Variants in PSAT1 observed in about 807,000 individuals in gnomAD.
PSAT1 encodes the protein phosphoserine aminotransferase.
Under a neutral mutation model 40.3 loss-of-function variants are expected in PSAT1, and 41 were observed. That is an observed-to-expected ratio of 1.02 (90% confidence interval 0.79 to 1.32). The LOEUF (loss-of-function observed/expected upper bound fraction) is 1.32. PSAT1 is among the 40% of genes most tolerant of loss of function. The pLI is 0.00. For synonymous variants in PSAT1, 147 were observed against 170.5 expected (o/e 0.86, Z 1.07); for missense variants, 406 against 455.8 (o/e 0.89, Z 0.99).
rs1164651139 is a variant in PSAT1 at position 78,308,034 on chromosome 9, G to A, written c.571-380G>A. On this transcript the variant is annotated intron_variant, in intron 5 of 8. Transcript: ENST00000376588. ...AGCCTGGGTGCCAGAGCAAGACTCC[G>A]TCTCAAAAGAAAAAAAAAATGTTTC... 7.2e-5 allele frequency among the ~76,000 whole-genome samples: 11 copies of A among 151,848 alleles called. No homozygotes were observed. In the East Asian group the frequency reaches 1.2e-3, roughly 16 times the overall value.
chr9:78,314,977 G>A (rs528450748), intron 6 of PSAT1, among the ~76,000 whole-genome samples: 19 of 151,858 alleles, frequency 1.3e-4, no homozygotes, highest in Non-Finnish European at 2.8e-4. Context: ...GTGTTTCTGT[G>A]GTTCTGTGTG....
At position 78,300,585 on chromosome 9, in the gene PSAT1, C is replaced by T. The variant is rs1420720400; in HGVS notation, c.61-17C>T. The T allele has an allele frequency of 6.2e-7, 1 of 1,606,104 alleles. No individual in the cohort carries two copies. Among genetic ancestry groups the T allele is most frequent in the East Asian group, 2.2e-5 (1 of 44,754 alleles). ...GAACATATTTAAATAACCCTATTTT[C>T]CTTTATTTTTTTCTAGGTGTTGTTA... On this transcript the variant is annotated splice_polypyrimidine_tract_variant and intron_variant, in intron 1 of 8. Coordinates refer to ENST00000376588, the MANE Select transcript of PSAT1 (RefSeq NM_058179.4).
rs1177333395 is a variant in PSAT1, at chr9:78,299,144, C to CCA, written c.61-1458_61-1457insCA. Among the ~76,000 whole-genome samples the CCA allele has an allele frequency of 3.1e-3, 270 of 87,306 alleles. 5 individuals are homozygous for CCA. Among genetic ancestry groups the CCA allele is most frequent in the African/African-American group, 0.012 (264 of 21,954 alleles). The allele number at this position is 87,306 out of a possible 152,430, so 57.3% of individuals were successfully genotyped here. A position where few individuals can be genotyped will look rare whatever the true frequency, so the allele number is the denominator to read the frequency against. Reference sequence around the variant, plus strand: ...GATAGAGCAAGACCCTGTCTCTTAACAAAAAAAAAAAAAAAAAAAAAAAAA... The same window carrying CCA: ...GATAGAGCAAGACCCTGTCTCTTAACCAAAAAAAAAAAAAAAAAAAAAAAAAA... On this transcript the variant is annotated intron_variant, in intron 1 of 8. Coordinates refer to ENST00000376588, the MANE Select transcript of PSAT1 (RefSeq NM_058179.4).
intron 6 of PSAT1, among the ~76,000 whole-genome samples, chr9:78,309,925 A>C (rs544145214): frequency 6.6e-6 from 1 of 152,220 alleles, no homozygotes; most frequent in African/African-American, 2.4e-5. Flanking sequence ...AGAAGTAATA[A>C]TAGTACCCCT....
In PSAT1 at chr9:78,304,622, C is replaced by T. The variant is rs796999612; in HGVS notation, c.192-113C>T. Reference sequence around the variant, plus strand: ...AGACAAAGTAGTATTGTAACATTACCATATTTCTTGTAGTAAATCCACCCA... The same window carrying T: ...AGACAAAGTAGTATTGTAACATTACTATATTTCTTGTAGTAAATCCACCCA... On this transcript the variant is annotated intron_variant, in intron 3 of 8. Coordinates refer to ENST00000376588, the MANE Select transcript of PSAT1 (RefSeq NM_058179.4). 4 of 980,940 alleles carry T rather than the reference C, an allele frequency of 4.1e-6. No individual in the cohort carries two copies. The African/African-American group carries it at 6.4e-5, about 16-fold the overall frequency. 60.8% of individuals were successfully genotyped at this position (980,940 alleles called of 1,614,324 possible).
chr9:78,327,462 T>G (rs1828517561), intron 7 of PSAT1, among the ~76,000 whole-genome samples: 1 of 152,206 alleles, frequency 6.6e-6, no homozygotes. Context: ...GACTGACTTA[T>G]TTAATGCTTA....
At chr9:78,313,866 C>T (rs1224912009) in intron 6 of PSAT1, among the ~76,000 whole-genome samples, 1 of 152,158 alleles carries the variant, frequency 6.6e-6, no homozygotes, top group Non-Finnish European at 1.5e-5. Context: ...AGGCTGGTCT[C>T]AAACTCCTGG....
rs1828366272 is a variant in PSAT1 at position 78,317,620 on chromosome 9, T to C, written c.741-56T>C. The C allele has an allele frequency of 2.6e-5, 41 of 1,590,798 alleles. No homozygotes were observed. In the South Asian group the frequency reaches 4.2e-4, roughly 16 times the overall value. On this transcript the variant is annotated intron_variant, in intron 6 of 8. Coordinates refer to ENST00000376588, the MANE Select transcript of PSAT1 (RefSeq NM_058179.4). ...CCTTCAACAGCAGTTTGCTTGAATA[T>C]AGTTCTACTTTTGCAAAGATGAGCT...
At chr9:78,306,017 C>T (rs1431627886) in intron 4 of PSAT1, among the ~76,000 whole-genome samples, 1 of 152,208 alleles carries the variant, frequency 6.6e-6, no homozygotes, top group African/African-American at 2.4e-5. Flanking sequence ...CCCACCTTAG[C>T]CTCCTAAATA....
intron 3 of PSAT1, among the ~76,000 whole-genome samples, chr9:78,303,386 G>T (rs1828135708): frequency 6.6e-6 from 1 of 152,116 alleles, no homozygotes; most frequent in Non-Finnish European, 1.5e-5. Flanking sequence ...TTCATGGAGT[G>T]GGTATTTGGA....
At chr9:78,317,853 CTG>C (rs1229782080) in intron 7 of PSAT1, 49 bp downstream of exon 7, 2 of 1,582,936 alleles carry the variant, frequency 1.3e-6, no homozygotes, top group Admixed American at 1.7e-5. Flanking sequence ...GAATTTAAAA[CTG>C]TGTATATACT....
Position 78,297,176 on chromosome 9 carries a change from C to A in PSAT1, c.-35C>A. On this transcript the variant is annotated 5_prime_UTR_variant, in exon 1 of 9. Transcript: ENST00000376588. ...ACGCCAGCCGTTCACGCGTTCGGTC[C>A]TCCTTGGCTGACTCACCGCCCTGGC... 6.3e-7 allele frequency: 1 copy of A among 1,584,332 alleles called. No homozygotes were observed. The highest frequency in any genetic ancestry group is 8.6e-7 in the Non-Finnish European group (1 of 1,169,436).
chr9:78,306,418 G>A lies in PSAT1; in HGVS notation c.502G>A (p.Val168Ile). ...HGVEFDFIPDVKGAVLVCDMS... is the reference protein window; with the variant it reads ...HGVEFDFIPDIKGAVLVCDMS... ...TGTGGAGTTTGACTTTATACCCGAT[G>A]TCAAGGGAGCAGTACTGGTTTGTGA... The change falls in exon 5 of 9, where the codon GTC (valine) becomes ATC (isoleucine). Residue 168 changes from valine (V) to isoleucine (I), a missense_variant. Val to Ile is a conservative substitution (Grantham distance 29). Transcript: ENST00000376588. 1 of 1,614,158 alleles carries A rather than the reference G, an allele frequency of 6.2e-7. No homozygotes were observed. Among genetic ancestry groups the A allele is most frequent in the Non-Finnish European group, 8.5e-7 (1 of 1,180,044 alleles).
intron 7 of PSAT1, among the ~76,000 whole-genome samples, chr9:78,323,085 G>A (rs11137607): frequency 0.5 from 75,952 of 151,994 alleles, 19,641 homozygotes; most frequent in Non-Finnish European, 0.58. Context: ...AGATGTAATG[G>A]TGGAAATATG....
At chr9:78,300,833 A>G (rs897826321) in intron 2 of PSAT1, among the ~76,000 whole-genome samples, 171 bp downstream of exon 2, 1 of 150,138 alleles carries the variant, frequency 6.7e-6, no homozygotes, top group Admixed American at 6.8e-5. Context: ...CTCCTGCCTC[A>G]GCATCCTGAG....
At chr9:78,305,029 C>T (rs916563548) in intron 4 of PSAT1, 89 bp downstream of exon 4, 13 of 1,197,896 alleles carry the variant, frequency 1.1e-5, no homozygotes, top group Admixed American at 4.8e-5. Context: ...ATTATTTTCT[C>T]CCCTTGACAG....
Position 78,316,695 on chromosome 9 carries a change from C to T in PSAT1, c.741-981C>T, listed in dbSNP as rs115987906. On this transcript the variant is annotated intron_variant, in intron 6 of 8. Transcript: ENST00000376588. ...GTCCACCACAGGTAGGTGGATCTCC[C>T]GGTTCCAGATGGGAAAACCGAGGTG... Among the ~76,000 whole-genome samples, 1,089 of 152,214 alleles carry T rather than the reference C, an allele frequency of 7.2e-3. 9 individuals carry two copies. Among genetic ancestry groups the T allele is most frequent in the African/African-American group, 0.025 (1,031 of 41,522 alleles).
chr9:78,319,160 G>T (rs1382395571), intron 7 of PSAT1, among the ~76,000 whole-genome samples: 1 of 152,148 alleles, frequency 6.6e-6, no homozygotes, highest in African/African-American at 2.4e-5. Context: ...TGGCCACATG[G>T]GACCGACAAA....
intron 3 of PSAT1, among the ~76,000 whole-genome samples, chr9:78,303,054 ATTTATGGT>A (rs1828131485): frequency 1.3e-5 from 2 of 152,284 alleles, no homozygotes; most frequent in South Asian, 2.1e-4. Context: ...AATAATGCAC[ATTTATGGT>A]AGGAAAAACA....
Sources: gnomAD v4.1 joint callset for allele counts (sites outside exome capture counted in the v4.1 genomes callset) on GRCh38, gnomAD v4.1.1 for gene constraint, MANE v1.5 for transcripts, NCBI Gene and HGNC (gene_info 2026-07-23, HGNC 2026-07-21) for gene names.